Variants in RYR3 observed in about 807,000 individuals in gnomAD.
RYR3 encodes ryanodine receptor 3, also known as brain ryanodine receptor-calcium release channel.
Under a neutral mutation model 584.3 loss-of-function variants are expected in RYR3, and 207 were observed. That is an observed-to-expected ratio of 0.35 (90% confidence interval 0.32 to 0.40). The LOEUF (loss-of-function observed/expected upper bound fraction) is 0.40, where lower values mean the gene tolerates loss of function less well. Ranked by LOEUF, RYR3 falls within the 10% of genes least tolerant of loss-of-function variation. The pLI, the probability that RYR3 is intolerant of heterozygous loss-of-function variation, is 1.00. For synonymous variants in RYR3, 2,416 were observed against 2,248.5 expected, an observed-to-expected ratio of 1.07 and a Z score of -2.11; for missense variants, 5,616 against 6,089.2, an observed-to-expected ratio of 0.92 and a Z score of 2.59.
At position 33,773,557 on chromosome 15, in the gene RYR3, T is replaced by C. The variant is rs771788323; in HGVS notation, c.9079T>C (p.Tyr3027His). ...AGTGGGTGATGTGCAGATTTCATGC[T>C]ACCACATACTGTGCAGCCTCTACTC... ...LLLGDVQISC[Y>H]HILCSLYSLG... Residue 3027 changes from tyrosine to histidine, a missense_variant, in exon 64 of 104, where the codon TAC becomes CAC. Physicochemically the swap from Tyr to His is moderately conservative, Grantham distance 83. Around this residue, in one of 9 missense-constraint regions of RYR3, gnomAD observed 954 missense variants for 1,132.2 expected, o/e 0.84. Transcript: ENST00000634891. The C allele has an allele frequency of 3.7e-6, 6 of 1,609,066 alleles. No individual in the cohort carries two copies. Among genetic ancestry groups the C allele is most frequent in the South Asian group, 1.1e-5 (1 of 89,538 alleles).
At chr15:33,454,384 A>G (rs925311152) in intron 1 of RYR3, among the ~76,000 whole-genome samples, 1 of 152,234 alleles carries the variant, frequency 6.6e-6, no homozygotes, top group African/African-American at 2.4e-5. Context: ...GCTAAAAAAT[A>G]AAAACTAGAA....
At chr15:33,530,925 T>G (rs2054811804) in intron 4 of RYR3, among the ~76,000 whole-genome samples, 1 of 152,160 alleles carries the variant, frequency 6.6e-6, no homozygotes, top group Non-Finnish European at 1.5e-5. Context: ...TTTCTTATTT[T>G]GCTAGACCTA....
chr15:33,366,014 G>T (rs1238481753), intron 1 of RYR3, among the ~76,000 whole-genome samples: 1 of 151,960 alleles, frequency 6.6e-6, no homozygotes, highest in Non-Finnish European at 1.5e-5. Flanking sequence ...TAAAAGTGTT[G>T]TAAACCAAAT....
chr15:33,683,443 G>C (rs1459692471), intron 38 of RYR3, among the ~76,000 whole-genome samples: 1 of 152,224 alleles, frequency 6.6e-6, no homozygotes, highest in Non-Finnish European at 1.5e-5. Flanking sequence ...TTATGAAAGA[G>C]ATTCATGTAT....
rs758398772 is a variant in RYR3 at position 33,662,570 on chromosome 15, A to G, written c.5040A>G (p.Gln1680=). 3.0e-5 allele frequency: 49 copies of G among 1,613,862 alleles called. No homozygotes were observed. The East Asian group carries it at 1.1e-3, about 35-fold the overall frequency. ...TTGTTGTGACTGGTGAGGATCACCAAAAGCAGAGCCCCGAGATTCCCTTGG... is the reference window on the plus strand; with the variant it reads ...TTGTTGTGACTGGTGAGGATCACCAGAAGCAGAGCCCCGAGATTCCCTTGG... ...PCFVVTGEDH[Q]KQSPEIPLES... The change falls in exon 35 of 104, where the codon CAA becomes CAG. Residue 1680 remains glutamine, a synonymous_variant. Transcript: ENST00000634891.
chr15:33,459,837 A>G (rs2047867340), intron 1 of RYR3, among the ~76,000 whole-genome samples: 1 of 152,224 alleles, frequency 6.6e-6, no homozygotes, highest in Non-Finnish European at 1.5e-5. Flanking sequence ...TTCTCCAAAC[A>G]TGACTGAGAT....
intron 34 of RYR3, 32 bp downstream of exon 34, chr15:33,660,455 G>T (rs745578598): frequency 2.4e-5 from 35 of 1,458,004 alleles, no homozygotes; most frequent in Non-Finnish European, 1.1e-5. Context: ...GAAGGGGCAG[G>T]CCTGAGGGGC....
At position 33,727,287 on chromosome 15, in the gene RYR3, C is replaced by T. The variant is rs537514368; in HGVS notation, c.7033+781C>T. Among the ~76,000 whole-genome samples the T allele has an allele frequency of 4.6e-5, 7 of 152,272 alleles. No homozygotes were observed. In the East Asian group the frequency reaches 7.7e-4, roughly 17 times the overall value. On this transcript the variant is annotated intron_variant, in intron 46 of 103. Transcript: ENST00000634891. ...TCCTCGAAGTGTTGTTTCTCTGAGT[C>T]GCCTCACCCATTATCCAGGCTAATG...
chr15:33,779,317 T>G (rs1195552453), intron 64 of RYR3, among the ~76,000 whole-genome samples: 1 of 152,100 alleles, frequency 6.6e-6, no homozygotes, highest in Non-Finnish European at 1.5e-5. Flanking sequence ...TTTTGTTTGT[T>G]TGCTTGCTTC....
intron 2 of RYR3, among the ~76,000 whole-genome samples, chr15:33,476,805 G>C (rs1022854952): frequency 6.6e-6 from 1 of 152,092 alleles, no homozygotes; most frequent in Non-Finnish European, 1.5e-5. Flanking sequence ...AGGGAAGTGC[G>C]CCATCAGGGT....
rs569497119 is a variant in RYR3 at position 33,508,424 on chromosome 15, C to T, written c.279+4686C>T. On this transcript the variant is annotated intron_variant, in intron 3 of 103. Transcript: ENST00000634891. ...CAGCACTCTGGGAGGCTGAGGCGGG[C>T]GGATCACAAGGTCAGGAGATCGAGA... 5.6e-4 allele frequency among the ~76,000 whole-genome samples: 85 copies of T among 151,832 alleles called. No individual in the cohort carries two copies. In the South Asian group the frequency reaches 8.6e-3, roughly 15 times the overall value.
intron 3 of RYR3, among the ~76,000 whole-genome samples, chr15:33,520,613 A>G (rs1289459934): frequency 2.6e-5 from 4 of 152,160 alleles, no homozygotes; most frequent in African/African-American, 4.8e-5. Flanking sequence ...GAAAAAAAAA[A>G]TTGCCTCACC....
intron 75 of RYR3, among the ~76,000 whole-genome samples, 163 bp from the exon 76 acceptor site, chr15:33,818,415 T>TA (rs2076933258): frequency 1.3e-5 from 2 of 152,240 alleles, no homozygotes; most frequent in Non-Finnish European, 2.9e-5. Flanking sequence ...CTCGCACCTT[T>TA]AGGGCTTCTA....
chr15:33,858,158 C>T, intron 99 of RYR3: 1 of 495,738 alleles, frequency 2.0e-6, no homozygotes, highest in Non-Finnish European at 3.6e-6. Context: ...GGGAAGCACC[C>T]TGCACAGTGG....
rs144637310 is a variant in RYR3, at chr15:33,561,516, C to T, written c.973-1321C>T. ...AAAATTGGAATGGCATTTGTAGCTA[C>T]ATCAGAGGCTACTATGGAGAGTTAA... On this transcript the variant is annotated intron_variant, in intron 10 of 103. Coordinates refer to ENST00000634891, the MANE Select transcript of RYR3 (RefSeq NM_001036.6). Among the ~76,000 whole-genome samples, 36 of 152,266 alleles carry T rather than the reference C, an allele frequency of 2.4e-4. 1 individual carries two copies. The highest frequency in any genetic ancestry group is 7.2e-4 in the Admixed American group (11 of 15,290).
At chr15:33,605,249 A>G (rs1286119752) in intron 18 of RYR3, among the ~76,000 whole-genome samples, 2 of 152,210 alleles carry the variant, frequency 1.3e-5, no homozygotes, top group East Asian at 3.8e-4. Context: ...GTCAGGAGGC[A>G]TGGAACCCAT....
At chr15:33,611,694 T>G (rs909726541) in intron 18 of RYR3, among the ~76,000 whole-genome samples, 64 of 152,290 alleles carry the variant, frequency 4.2e-4, no homozygotes, top group African/African-American at 1.4e-3. Flanking sequence ...GGTCTCATTC[T>G]GTCGCCCAGG....
chr15:33,395,439 T>G (rs2042240902), intron 1 of RYR3, among the ~76,000 whole-genome samples: 2 of 152,244 alleles, frequency 1.3e-5, no homozygotes, highest in African/African-American at 4.8e-5. Flanking sequence ...TTTTATCATC[T>G]GCTACATAAC....
chr15:33,700,394 A>G (rs2152772330), intron 41 of RYR3, among the ~76,000 whole-genome samples: 1 of 152,378 alleles, frequency 6.6e-6, no homozygotes, highest in Middle Eastern at 3.4e-3. Context: ...TGTTCTGGGT[A>G]TAAACGAAAT....
Sources: allele counts gnomAD v4.1 joint callset (sites outside exome capture counted in the v4.1 genomes callset), GRCh38; gene constraint gnomAD v4.1.1; regional missense constraint gnomAD v4.1.1; transcripts MANE v1.5; gene names NCBI Gene and HGNC (gene_info 2026-07-23, HGNC 2026-07-21).